NPAS2: variants seen among roughly 807,000 people sequenced by gnomAD.
The protein encoded by NPAS2 is neuronal PAS domain protein 2.
A neutral mutation model predicts 107.5 loss-of-function variants in NPAS2; 23 were observed. That is an observed-to-expected ratio of 0.21 (90% CI 0.15 to 0.30). The LOEUF (loss-of-function observed/expected upper bound fraction) is 0.30. NPAS2 is among the 10% of genes least tolerant of loss of function. NPAS2 has a pLI of 1.00. For missense variants in NPAS2, 756 were observed against 1,043.3 expected (o/e 0.72, Z 3.79); for synonymous variants, 403 against 417.5 (o/e 0.97, Z 0.42).
intron 1 of NPAS2, among the ~76,000 whole-genome samples, chr2:100,845,452 A>G (rs1677716777): frequency 6.6e-6 from 1 of 152,158 alleles, no homozygotes; most frequent in Non-Finnish European, 1.5e-5. Context: ...TCTCAGTGCC[A>G]ATGTAGCACT....
Position 100,977,817 on chromosome 2 carries a change from G to A in NPAS2, c.1482+18G>A, listed in dbSNP as rs1281190728. 4.3e-6 allele frequency: 7 copies of A among 1,609,232 alleles called. No homozygotes were observed. The highest frequency in any genetic ancestry group is 6.0e-6 in the Non-Finnish European group (7 of 1,175,994). ...TGGCACAGGTGAGTCTGGGACCCAG[G>A]AAAGGGCAGCCCCTCTCAAGCCAGA... On this transcript the variant is annotated intron_variant, in intron 15 of 20. Coordinates refer to ENST00000335681, the MANE Select transcript of NPAS2 (RefSeq NM_002518.4).
chr2:100,898,046 A>G (rs935257161), intron 1 of NPAS2, among the ~76,000 whole-genome samples: 2 of 152,128 alleles, frequency 1.3e-5, no homozygotes, highest in African/African-American at 2.4e-5. Context: ...TTGATCCCCA[A>G]ATTCAATTCA....
rs372678357 is a variant in NPAS2 at position 100,949,444 on chromosome 2, A to G, written c.562A>G (p.Ile188Val). 1 of 1,611,784 alleles carries G rather than the reference A, an allele frequency of 6.2e-7. No individual in the cohort carries two copies. Among genetic ancestry groups the G allele is most frequent in the Non-Finnish European group, 8.5e-7 (1 of 1,177,888 alleles). The stretch of plus-strand genomic sequence containing the variant: ...AAAGGAATTTCCAACTTATGAATAC[A>G]TAAAATTTGTAGGAAATTTTCGCTC... ...NPKEFPTYEY[I>V]KFVGNFRSYN... Residue 188 changes from isoleucine (I) to valine (V), a missense_variant, in exon 7 of 21, where the codon ATA becomes GTA. By Grantham distance (29) the Ile-to-Val change is conservative (BLOSUM62 3). Coordinates refer to ENST00000335681, the MANE Select transcript of NPAS2 (RefSeq NM_002518.4).
chr2:100,901,760 A>G (rs994343358), intron 1 of NPAS2, among the ~76,000 whole-genome samples: 1 of 151,914 alleles, frequency 6.6e-6, no homozygotes, highest in African/African-American at 2.4e-5. Context: ...TCCCCACCTC[A>G]GGTAACCACA....
At chr2:100,920,806 G>A (rs1683175400) in intron 2 of NPAS2, among the ~76,000 whole-genome samples, 1 of 152,248 alleles carries the variant, frequency 6.6e-6, no homozygotes, top group Admixed American at 6.5e-5. Context: ...CGAAGGGGCA[G>A]GGAAGCACAA....
intron 2 of NPAS2, among the ~76,000 whole-genome samples, chr2:100,914,171 G>T (rs890962202): frequency 1.3e-5 from 2 of 152,152 alleles, no homozygotes; most frequent in Non-Finnish European, 2.9e-5. Flanking sequence ...ATGGGTGTGG[G>T]TGTGTGTGTG....
Position 100,968,423 on chromosome 2 carries a change from G to A in NPAS2, c.1050G>A (p.Val350=). ...KPEFIVCTHS[V]VSYADVRVER... is the part of the protein sequence containing the mutation. ...AGTTCATCGTGTGCACACACTCGGTGGTCAGGTACCGCGCACGGGCAGGGG... is the reference window on the plus strand; with the variant it reads ...AGTTCATCGTGTGCACACACTCGGTAGTCAGGTACCGCGCACGGGCAGGGG... The change falls in exon 11 of 21, where the codon GTG becomes GTA. Residue 350 remains valine (V), a synonymous_variant. Transcript: ENST00000335681. This position sits in a 1 kb window ranked among gnomAD's most constrained non-coding sequence, Gnocchi z 5.3. 6.8e-6 allele frequency: 11 copies of A among 1,613,898 alleles called. No homozygotes were observed. The highest frequency in any genetic ancestry group is 8.5e-6 in the Non-Finnish European group (10 of 1,179,874).
At chr2:100,992,323 G>C (rs1450850707) in intron 19 of NPAS2, among the ~76,000 whole-genome samples, 2 of 152,236 alleles carry the variant, frequency 1.3e-5, no homozygotes, top group Non-Finnish European at 2.9e-5. Flanking sequence ...GCTGAGGCAG[G>C]AGAATCACTT....
At chr2:100,819,327 G>A (rs1675909171), upstream of NPAS2, among the ~76,000 whole-genome samples, 1 of 152,164 alleles carries the variant, frequency 6.6e-6, no homozygotes, top group South Asian at 2.1e-4. This position sits in a 1 kb window ranked among gnomAD's most constrained non-coding sequence, Gnocchi z 5.8. Flanking sequence ...CGGGGAGGGG[G>A]GCAATTAGCC....
At chr2:100,987,295 G>A (rs905034380) in intron 16 of NPAS2, 1 of 152,170 alleles carries the variant, frequency 6.6e-6, no homozygotes, top group African/African-American at 2.4e-5. Context: ...GGATTCTCAA[G>A]AACACCTCAA....
intron 1 of NPAS2, among the ~76,000 whole-genome samples, chr2:100,851,968 A>G (rs964165981): frequency 5.3e-5 from 8 of 152,194 alleles, no homozygotes; most frequent in African/African-American, 1.9e-4. Flanking sequence ...CTGGTGGAGG[A>G]GGCTGTTCAG....
At chr2:100,905,556 C>T (rs4851376) in intron 2 of NPAS2, among the ~76,000 whole-genome samples, 37,655 of 151,980 alleles carry the variant, frequency 0.25, 5,000 homozygotes, top group Middle Eastern at 0.33. Context: ...GGAAGCTCCT[C>T]AGTGGCTCAC....
chr2:100,879,121 AG>A (rs1223865235), intron 1 of NPAS2, among the ~76,000 whole-genome samples: 7 of 149,372 alleles, frequency 4.7e-5, no homozygotes, highest in African/African-American at 1.5e-4. Flanking sequence ...TCAAAAAAAA[AG>A]AAAAAAAAAA....
In NPAS2 at chr2:100,975,528, G is replaced by A; in HGVS notation, c.1353G>A (p.Glu451=). 1 of 1,612,622 alleles carries A rather than the reference G, an allele frequency of 6.2e-7. No individual in the cohort carries two copies. Among genetic ancestry groups the A allele is most frequent in the Non-Finnish European group, 8.5e-7 (1 of 1,179,300 alleles). ...CAAGATCAGCCACCCTGCCCCAAGA[G>A]TTACCTGTCCCCGGGCTCAGCCAGG... ...ALPRSATLPQ[E]LPVPGLSQAA... Residue 451 remains glutamate (E), a synonymous_variant, in exon 14 of 21, where the codon GAG becomes GAA. Transcript: ENST00000335681.
intron 1 of NPAS2, among the ~76,000 whole-genome samples, chr2:100,896,006 C>A (rs1018533327): frequency 6.6e-6 from 1 of 152,178 alleles, no homozygotes; most frequent in Non-Finnish European, 1.5e-5. Context: ...GTGTCACCTC[C>A]CTTAGCAGGG....
rs58359292 is a variant in NPAS2 at position 100,850,011 on chromosome 2, T to TAAA, written c.-23+29621_-23+29623dup. Among the ~76,000 whole-genome samples, 25 of 56,210 alleles carry TAAA rather than the reference T, an allele frequency of 4.4e-4. 1 individual carries two copies. The highest frequency in any genetic ancestry group is 1.6e-3 in the African/African-American group (20 of 12,790). 36.9% of individuals were successfully genotyped at this position (56,210 alleles called of 152,430 possible). On this transcript the variant is annotated intron_variant, in intron 1 of 20. Transcript: ENST00000335681. ...ATAGATCTAACAGTAACTCTTTTTGTAAAAAAAAAAAAAAAAAAAAAAAAA... is the reference window on the plus strand; with the variant it reads ...ATAGATCTAACAGTAACTCTTTTTGTAAAAAAAAAAAAAAAAAAAAAAAAAAAA...
chr2:100,947,779 C>T (rs946569889), intron 5 of NPAS2, among the ~76,000 whole-genome samples: 5 of 152,220 alleles, frequency 3.3e-5, no homozygotes, highest in Non-Finnish European at 7.3e-5. Flanking sequence ...AGTTCCATAA[C>T]TTAAAGACCT....
rs557982865 is a variant in NPAS2 at position 100,996,123 on chromosome 2, A to T, written c.*541A>T. On this transcript the variant is annotated 3_prime_UTR_variant, in exon 21 of 21. Transcript: ENST00000335681. ...AACTTAGGCACTTTCTGTTTTTTTT[A>T]AAAAAATAATAAGGTCTCATGGCTT... 201 of 391,310 alleles carry T rather than the reference A, an allele frequency of 5.1e-4. No individual in the cohort carries two copies. The highest frequency in any genetic ancestry group is 1.2e-3 in the African/African-American group (59 of 47,530). 24.2% of individuals were successfully genotyped at this position (391,310 alleles called of 1,614,324 possible). A position where few individuals can be genotyped will look rare whatever the true frequency, so the allele number is the denominator to read the frequency against.
At chr2:100,849,492 G>A (rs942826450) in intron 1 of NPAS2, among the ~76,000 whole-genome samples, 8 of 152,078 alleles carry the variant, frequency 5.3e-5, no homozygotes, top group African/African-American at 1.9e-4. Flanking sequence ...GTTCTTCATA[G>A]GGTCAGAACT....
Sources: allele counts gnomAD v4.1 joint callset (sites outside exome capture counted in the v4.1 genomes callset), GRCh38; gene constraint gnomAD v4.1.1; non-coding constraint Gnocchi (gnomAD v3.1); transcripts MANE v1.5; gene names NCBI Gene and HGNC (gene_info 2026-07-23, HGNC 2026-07-21).